The following DCC variants were observed in gnomAD, a reference collection of about 807,000 sequenced individuals.
DCC encodes netrin receptor DCC.
In DCC, 58 loss-of-function variants were observed where a neutral mutation model predicts 172.5. The observed-to-expected ratio is 0.34, with a 90% CI of 0.27 to 0.42. DCC has a LOEUF of 0.42. Ranked by LOEUF, DCC falls within the 10% of genes least tolerant of loss-of-function variation. DCC has a pLI of 1.00. For synonymous variants in DCC, 709 were observed against 644.5 expected, an observed-to-expected ratio of 1.10 and a Z score of -1.52; for missense variants, 1,740 against 1,791.0, an observed-to-expected ratio of 0.97 and a Z score of 0.51.
At position 53,397,387 on chromosome 18, in the gene DCC, C is replaced by CA. The variant is rs2145024323; in HGVS notation, c.2774dup (p.Asn925LysfsTer17). ...ATGTATGAATTCTCGGTCATGGTAA[C>CA]AAAAAACAGAAGGTCCAGTACTTGG... is the stretch of plus-strand genomic sequence containing the variant. On this transcript the variant is annotated frameshift_variant, in exon 18 of 29. Coordinates refer to ENST00000442544, the MANE Select transcript of DCC (RefSeq NM_005215.4). LOFTEE classifies it high-confidence loss of function. The CA allele has an allele frequency of 6.2e-7, 1 of 1,613,810 alleles. No individual in the cohort carries two copies. The highest frequency in any genetic ancestry group is 8.5e-7 in the Non-Finnish European group (1 of 1,179,898).
intron 17 of DCC, among the ~76,000 whole-genome samples, chr18:53,393,199 C>A (rs1423845452): frequency 1.3e-5 from 2 of 152,208 alleles, no homozygotes; most frequent in East Asian, 3.9e-4. Flanking sequence ...AATCCCACCA[C>A]CAATCCTGTA....
intron 15 of DCC, among the ~76,000 whole-genome samples, chr18:53,353,916 C>T (rs2057843991): frequency 6.6e-6 from 1 of 152,124 alleles, no homozygotes; most frequent in Non-Finnish European, 1.5e-5. Flanking sequence ...CTATCCCTCC[C>T]CCGACCTCAC....
chr18:53,312,702 G>A (rs1356584339), intron 13 of DCC, among the ~76,000 whole-genome samples: 2 of 148,892 alleles, frequency 1.3e-5, no homozygotes, highest in Admixed American at 6.7e-5. Context: ...CCAGCTACTC[G>A]GGAGGCTGAG....
At chr18:52,786,453 C>T (rs1239190443) in intron 2 of DCC, among the ~76,000 whole-genome samples, 2 of 151,500 alleles carry the variant, frequency 1.3e-5, no homozygotes, top group African/African-American at 2.4e-5. Context: ...CTCCAGTCCT[C>T]ATTTTTGGTA....
chr18:53,186,164 A>G (rs1296600778), intron 9 of DCC, among the ~76,000 whole-genome samples: 3 of 152,190 alleles, frequency 2.0e-5, no homozygotes, highest in Non-Finnish European at 2.9e-5. Flanking sequence ...CATCTAGAAA[A>G]TTTATCTGCT....
At chr18:52,351,817 C>T (rs767551994) in intron 1 of DCC, among the ~76,000 whole-genome samples, 3 of 152,152 alleles carry the variant, frequency 2.0e-5, no homozygotes, top group Non-Finnish European at 2.9e-5. Context: ...TTCTTAAAAA[C>T]ATAAACGAAT....
chr18:53,482,940 C>A (rs1205992998), intron 25 of DCC, among the ~76,000 whole-genome samples: 2 of 151,746 alleles, frequency 1.3e-5, no homozygotes, highest in Non-Finnish European at 2.9e-5. Context: ...ATTATATTAA[C>A]TATATACCCC....
intron 9 of DCC, among the ~76,000 whole-genome samples, chr18:53,190,458 CTGTG>C (rs67103778): frequency 0.12 from 17,906 of 146,014 alleles, 1,552 homozygotes; most frequent in African/African-American, 0.25. Flanking sequence ...ACTGCTAACT[CTGTG>C]TGTGTGTGTG....
At chr18:52,647,303 T>C (rs1174869522) in intron 1 of DCC, among the ~76,000 whole-genome samples, 3 of 152,200 alleles carry the variant, frequency 2.0e-5, no homozygotes, top group Non-Finnish European at 2.9e-5. Context: ...CCCTTTGCAC[T>C]GGACTAACAC....
intron 26 of DCC, among the ~76,000 whole-genome samples, chr18:53,494,290 T>G (rs2144407288): frequency 6.6e-6 from 1 of 152,354 alleles, no homozygotes; most frequent in East Asian, 1.9e-4. Flanking sequence ...CTACAAAGAA[T>G]GTATATTCTG....
intron 9 of DCC, among the ~76,000 whole-genome samples, chr18:53,182,814 C>A (rs2055216747): frequency 6.6e-6 from 1 of 152,126 alleles, no homozygotes; most frequent in African/African-American, 2.4e-5. Flanking sequence ...ATTCCTTCCT[C>A]CCTTCCTCCT....
At chr18:52,831,156 A>G (rs551426617) in intron 2 of DCC, among the ~76,000 whole-genome samples, 23 of 152,304 alleles carry the variant, frequency 1.5e-4, no homozygotes, top group African/African-American at 5.5e-4. Flanking sequence ...AGCAACCAAC[A>G]GTGCAAAACC....
At chr18:52,770,832 A>G (rs1010772457) in intron 2 of DCC, among the ~76,000 whole-genome samples, 1 of 152,240 alleles carries the variant, frequency 6.6e-6, no homozygotes, top group African/African-American at 2.4e-5. Flanking sequence ...TGTAGAAGTC[A>G]GTAGTTTTAA....
chr18:52,924,223 C>T (rs1182745289), intron 4 of DCC, among the ~76,000 whole-genome samples: 1 of 152,012 alleles, frequency 6.6e-6, no homozygotes, highest in Non-Finnish European at 1.5e-5. Flanking sequence ...CAAAAGATAA[C>T]TATGTGAAGT....
At chr18:53,098,552 T>C (rs1265165189) in intron 7 of DCC, among the ~76,000 whole-genome samples, 2 of 152,208 alleles carry the variant, frequency 1.3e-5, no homozygotes, top group African/African-American at 2.4e-5. Context: ...GTTATGCATT[T>C]TGAGTTGGGC....
intron 1 of DCC, among the ~76,000 whole-genome samples, chr18:52,684,997 T>A (rs1359269781): frequency 6.6e-6 from 1 of 152,142 alleles, no homozygotes; most frequent in Non-Finnish European, 1.5e-5. Context: ...TTCCTATTTT[T>A]TTTACCACTA....
intron 15 of DCC, among the ~76,000 whole-genome samples, chr18:53,372,135 T>TCA: frequency 6.6e-6 from 1 of 152,128 alleles, no homozygotes; most frequent in Non-Finnish European, 1.5e-5. Flanking sequence ...GAAATATAAA[T>TCA]TGTTCTACCA....
chr18:52,555,241 A>G (rs975708444), intron 1 of DCC, among the ~76,000 whole-genome samples: 5 of 152,154 alleles, frequency 3.3e-5, no homozygotes, highest in African/African-American at 1.2e-4. Flanking sequence ...AAAGTTGGTC[A>G]AAGAAAATTT....
intron 5 of DCC, among the ~76,000 whole-genome samples, chr18:53,011,227 A>G (rs908875049): frequency 6.6e-6 from 1 of 151,682 alleles, no homozygotes; most frequent in African/African-American, 2.4e-5. Context: ...AAAGCAGCTA[A>G]TATACTCAAA....
Sources: allele counts gnomAD v4.1 joint callset (sites outside exome capture counted in the v4.1 genomes callset), GRCh38; gene constraint gnomAD v4.1.1; transcripts MANE v1.5; gene names NCBI Gene and HGNC (gene_info 2026-07-23, HGNC 2026-07-21).